The following TAF1L variants were observed in gnomAD, a reference collection of about 807,000 sequenced individuals.
The protein encoded by TAF1L is TATA-box binding protein associated factor 1 like, also known as transcription initiation factor TFIID subunit 1-like.
Under a neutral mutation model 128.8 loss-of-function variants are expected in TAF1L, and 30 were observed. The observed-to-expected ratio is 0.23, with a 90% CI of 0.17 to 0.32. The LOEUF is 0.32. TAF1L is among the 10% of genes least tolerant of loss of function. TAF1L has a pLI of 1.00. For missense variants in TAF1L, 2,099 were observed against 2,253.7 expected (o/e 0.93, Z 1.39); for synonymous variants, 764 against 790.7 (o/e 0.97, Z 0.57).
In TAF1L at chr9:32,629,647, T is replaced by C. The variant is rs10971046; in HGVS notation, c.*452A>G. The C allele has an allele frequency of 0.02, 4,507 of 223,372 alleles. 252 individuals are homozygous for C. The East Asian group carries it at 0.21, about 10-fold the overall frequency. The allele number at this position is 223,372 out of a possible 1,614,324, so 13.8% of individuals were successfully genotyped here. A position where few individuals can be genotyped will look rare whatever the true frequency, so the allele number is the denominator to read the frequency against. ...CCTGTAAATTAGAAAAGTGAGATGA[T>C]ACCATGCTTGGAAATTTTCTTTTTT... is the stretch of plus-strand genomic sequence containing the variant. On this transcript the variant is annotated 3_prime_UTR_variant, in exon 1 of 1. Coordinates refer to ENST00000242310, the MANE Select transcript of TAF1L (RefSeq NM_153809.2).
chr9:32,630,671 T>C lies in TAF1L; in HGVS notation c.4909A>G (p.Ile1637Val), dbSNP rs2119083343. Residue 1637 changes from isoleucine (I) to valine (V), a missense_variant, in exon 1 of 1, where the codon ATT (isoleucine) becomes GTT (valine). This residue lies in a region of TAF1L where 404 missense variants were observed against 406.5 expected (regional missense o/e 0.99). Transcript: ENST00000242310. ...AAAGCTGCTTCTTTAGCTGTACAAA[T>C]ATCCTTCTCAAGTTGAGTCAAATGC... ...DEHLTQLEKDICTAKEAALEE... is the reference protein window; with the variant it reads ...DEHLTQLEKDVCTAKEAALEE... 5.6e-6 allele frequency: 9 copies of C among 1,614,208 alleles called. No individual in the cohort carries two copies. Among genetic ancestry groups the C allele is most frequent in the Non-Finnish European group, 6.8e-6 (8 of 1,180,046 alleles).
rs780558731 is a variant in TAF1L at position 32,635,515 on chromosome 9, T to A, written c.65A>T (p.Asp22Val). Residue 22 changes from aspartate to valine, a missense_variant, in exon 1 of 1, where the codon GAC becomes GTC. Coordinates refer to ENST00000242310, the MANE Select transcript of TAF1L (RefSeq NM_153809.2). ...AATVTAAIMS[D>V]SDSEEDSSGG... The stretch of plus-strand genomic sequence containing the variant: ...AGATGAATCTTCCTCGCTGTCCGAG[T>A]CTGACATGATGGCGGCAGTGACGGT... 3 of 1,613,904 alleles carry A rather than the reference T, an allele frequency of 1.9e-6. No individual in the cohort carries two copies. The highest frequency in any genetic ancestry group is 2.2e-5 in the South Asian group (2 of 91,062).
Position 32,634,270 on chromosome 9 carries a change from C to T in TAF1L, c.1310G>A (p.Gly437Glu). 6 of 1,614,176 alleles carry T rather than the reference C, an allele frequency of 3.7e-6. No homozygotes were observed. The highest frequency in any genetic ancestry group is 4.2e-6 in the Non-Finnish European group (5 of 1,180,030). The change falls in exon 1 of 1, where the codon GGG becomes GAG. Residue 437 changes from glycine to glutamate, a missense_variant. Physicochemically the swap from Gly to Glu is moderately conservative, Grantham distance 98. Coordinates refer to ENST00000242310, the MANE Select transcript of TAF1L (RefSeq NM_153809.2). ...LHWEDSIIWDGEDIKHKGTKP... is the reference protein window; with the variant it reads ...LHWEDSIIWDEEDIKHKGTKP... ...TGTCCCTTTGTGTTTGATATCCTCC[C>T]CATCCCAGATGATAGAATCCTCCCA...
chr9:32,633,890 T>A lies in TAF1L; in HGVS notation c.1690A>T (p.Thr564Ser), dbSNP rs1447055934. ...LKKSRILLGK[T>S]GVIREEPQQN... Reference sequence around the variant, plus strand: ...TGTGGTTCCTCCCTGATGACACCTGTTTTGCCCAAGAGAATTCGACTCTTC... The same window carrying A: ...TGTGGTTCCTCCCTGATGACACCTGATTTGCCCAAGAGAATTCGACTCTTC... The change falls in exon 1 of 1, where the codon ACA (threonine) becomes TCA (serine). Residue 564 changes from threonine (T) to serine (S), a missense_variant. Thr to Ser is a moderately conservative substitution (Grantham distance 58, BLOSUM62 1). This residue lies in a region of TAF1L where 1,213 missense variants were observed against 1,391.4 expected (regional missense o/e 0.87). Transcript: ENST00000242310. 6.2e-7 allele frequency: 1 copy of A among 1,614,064 alleles called. No homozygotes were observed. Among genetic ancestry groups the A allele is most frequent in the Non-Finnish European group, 8.5e-7 (1 of 1,180,038 alleles).
Position 32,633,059 on chromosome 9 carries a change from G to A in TAF1L, c.2521C>T (p.Pro841Ser). ...ATATCTTCCATTCGTATCCTCCGTG[G>A]CCGATCTTTACTCTTCCAGAAAAGG... ...YRLFWKSKDR[P>S]RRIRMEDIKK... Residue 841 changes from proline (P) to serine (S), a missense_variant, in exon 1 of 1, where the codon CCA becomes TCA. By Grantham distance (74) the Pro-to-Ser change is moderately conservative. Around this residue, in one of 4 missense-constraint regions of TAF1L, gnomAD observed 1,213 missense variants for 1,391.4 expected, o/e 0.87. Transcript: ENST00000242310. 1 of 1,614,150 alleles carries A rather than the reference G, an allele frequency of 6.2e-7. No individual in the cohort carries two copies. The highest frequency in any genetic ancestry group is 1.7e-5 in the Admixed American group (1 of 59,994).
At position 32,634,652 on chromosome 9, in the gene TAF1L, A is replaced by G. The variant is rs1327816739; in HGVS notation, c.928T>C (p.Leu310=). ...SVESEVSQKS[L]WNYDYAPPPP... ...GGTGGAGCATAGTCATAGTTCCACA[A>G]AGACTTCTGGCTGACTTCTGATTCT... The change falls in exon 1 of 1, where the codon TTG becomes CTG. Residue 310 remains leucine (L), a synonymous_variant. Coordinates refer to ENST00000242310, the MANE Select transcript of TAF1L (RefSeq NM_153809.2). The G allele has an allele frequency of 4.3e-6, 7 of 1,613,884 alleles. No individual in the cohort carries two copies. In the African/African-American group the frequency reaches 8.0e-5, roughly 18 times the overall value.
chr9:32,630,768 A>G lies in TAF1L; in HGVS notation c.4812T>C (p.Pro1604=), dbSNP rs139732329. 3.1e-6 allele frequency: 5 copies of G among 1,614,108 alleles called. No individual in the cohort carries two copies. The South Asian group carries it at 5.5e-5, about 18-fold the overall frequency. ...GAGCAGTCTTAGTGTACTGACTCTC[A>G]GGTCCATTATACTTAACACTGTTGG... ...ILANSVKYNG[P]ESQYTKTAQE... Residue 1604 remains proline (P), a synonymous_variant, in exon 1 of 1, where the codon CCT becomes CCC. Transcript: ENST00000242310.
Position 32,631,388 on chromosome 9 carries a change from T to C in TAF1L, c.4192A>G (p.Thr1398Ala), listed in dbSNP as rs542280744. 1.9e-5 allele frequency: 30 copies of C among 1,614,178 alleles called. No homozygotes were observed. The African/African-American group carries it at 3.7e-4, about 20-fold the overall frequency. The change falls in exon 1 of 1, where the codon ACA becomes GCA. Residue 1398 changes from threonine to alanine, a missense_variant. Transcript: ENST00000242310. This position sits in a 1 kb window ranked among gnomAD's most constrained non-coding sequence, Gnocchi z 4.1. ...IPHKSIHRRR[T>A]DPMVTLSSIL... ...GATGACAGCGTCACCATAGGGTCTG[T>C]GCGGCGTCGGTGGATGGACTTATGA...
chr9:32,633,223 G>A lies in TAF1L; in HGVS notation c.2357C>T (p.Thr786Ile), dbSNP rs1358516778. The A allele has an allele frequency of 3.1e-6, 5 of 1,614,038 alleles. No individual in the cohort carries two copies. The African/African-American group carries it at 5.3e-5, about 17-fold the overall frequency. ...MPETDFLIIRTRQGYYIRELV... is the reference protein window; with the variant it reads ...MPETDFLIIRIRQGYYIRELV... ...TTCCCGAATATAGTAACCCTGTCTT[G>A]TCCGAATGATCAGAAAATCAGTTTC... The change falls in exon 1 of 1, where the codon ACA becomes ATA. Residue 786 changes from threonine to isoleucine, a missense_variant. Coordinates refer to ENST00000242310, the MANE Select transcript of TAF1L (RefSeq NM_153809.2).
chr9:32,634,819 C>G lies in TAF1L; in HGVS notation c.761G>C (p.Arg254Pro). ...PSVTELFPEF[R>P]PGKVLRFLHL... Reference sequence around the variant, plus strand: ...TAGGAAGCGTAACACTTTTCCAGGTCGAAATTCTGGAAAAAGTTCGGTGAC... The same window carrying G: ...TAGGAAGCGTAACACTTTTCCAGGTGGAAATTCTGGAAAAAGTTCGGTGAC... Residue 254 changes from arginine (R) to proline (P), a missense_variant, in exon 1 of 1, where the codon CGA becomes CCA. Arg to Pro is a moderately radical substitution (Grantham distance 103). This residue lies in a region of TAF1L where 473 missense variants were observed against 429.6 expected (regional missense o/e 1.10). Coordinates refer to ENST00000242310, the MANE Select transcript of TAF1L (RefSeq NM_153809.2). The G allele has an allele frequency of 6.2e-7, 1 of 1,614,114 alleles. No individual in the cohort carries two copies. Among genetic ancestry groups the G allele is most frequent in the Non-Finnish European group, 8.5e-7 (1 of 1,180,026 alleles).
rs1178800975 is a variant in TAF1L at position 32,631,860 on chromosome 9, C to T, written c.3720G>A (p.Arg1240=). The T allele has an allele frequency of 2.7e-5, 44 of 1,614,182 alleles. No homozygotes were observed. The highest frequency in any genetic ancestry group is 3.7e-5 in the Non-Finnish European group (44 of 1,180,034). Reference sequence around the variant, plus strand: ...GCTCTTGAATCCTCCGCCGTTCTTTCCGCATCTCTTCCCGATGTTTTTCAT... The same window carrying T: ...GCTCTTGAATCCTCCGCCGTTCTTTTCGCATCTCTTCCCGATGTTTTTCAT... ...LFDEKHREEM[R]KERRRIQEQL... The change falls in exon 1 of 1, where the codon CGG becomes CGA. Residue 1240 remains arginine, a synonymous_variant. Coordinates refer to ENST00000242310, the MANE Select transcript of TAF1L (RefSeq NM_153809.2). This position sits in a 1 kb window ranked among gnomAD's most constrained non-coding sequence, Gnocchi z 4.1.
At position 32,632,174 on chromosome 9, in the gene TAF1L, G is replaced by C; in HGVS notation, c.3406C>G (p.Leu1136Val). The stretch of plus-strand genomic sequence containing the variant: ...TCCTGCTCCTCCCATTCACGTGACA[G>C]CTGAGAGCTGGTTTTCTTGTTCTGC... ...MLQNKKTSSQ[L>V]SREWEEQERK... Residue 1136 changes from leucine (L) to valine (V), a missense_variant, in exon 1 of 1, where the codon CTG becomes GTG. Physicochemically the swap from Leu to Val is conservative, Grantham distance 32. Transcript: ENST00000242310. This position sits in a 1 kb window ranked among gnomAD's most constrained non-coding sequence, Gnocchi z 4.4. The C allele has an allele frequency of 6.2e-7, 1 of 1,614,168 alleles. No individual in the cohort carries two copies. Among genetic ancestry groups the C allele is most frequent in the Non-Finnish European group, 8.5e-7 (1 of 1,180,034 alleles).
chr9:32,629,956 G>A lies in TAF1L; in HGVS notation c.*143C>T. 2 of 1,498,856 alleles carry A rather than the reference G, an allele frequency of 1.3e-6. No individual in the cohort carries two copies. Among genetic ancestry groups the A allele is most frequent in the South Asian group, 1.3e-5 (1 of 74,802 alleles). The allele number at this position is 1,498,856 out of a possible 1,614,324, so 92.8% of individuals were successfully genotyped here. ...CAGGTGTGAGCCACCATGCCCAGCT[G>A]GAAATTTCCGATGCTGCTGAAGCTT... On this transcript the variant is annotated 3_prime_UTR_variant, in exon 1 of 1. Transcript: ENST00000242310.
rs1183499757 is a variant in TAF1L at position 32,632,908 on chromosome 9, G to A, written c.2672C>T (p.Thr891Met). 14 of 1,614,066 alleles carry A rather than the reference G, an allele frequency of 8.7e-6. No homozygotes were observed. In the Admixed American group the frequency reaches 1.7e-4, roughly 19 times the overall value. The part of the protein sequence containing the change: ...WVLKSDFRLP[T>M]EEEIRAKVSP... Reference sequence around the variant, plus strand: ...CACCTTAGCTCTGATCTCTTCTTCCGTTGGTAAACGAAAATCAGACTTAAG... The same window carrying A: ...CACCTTAGCTCTGATCTCTTCTTCCATTGGTAAACGAAAATCAGACTTAAG... The change falls in exon 1 of 1, where the codon ACG (threonine) becomes ATG (methionine). Residue 891 changes from threonine to methionine, a missense_variant. Physicochemically the swap from Thr to Met is moderately conservative, Grantham distance 81. Around this residue, in one of 4 missense-constraint regions of TAF1L, gnomAD observed 1,213 missense variants for 1,391.4 expected, o/e 0.87. Transcript: ENST00000242310. The surrounding 1 kb of genome is among the most constrained non-coding windows in gnomAD (Gnocchi z 4.4).
rs1181437162 is a variant in TAF1L at position 32,631,789 on chromosome 9, C to T, written c.3791G>A (p.Gly1264Asp). The T allele has an allele frequency of 1.2e-6, 2 of 1,614,188 alleles. No homozygotes were observed. Among genetic ancestry groups the T allele is most frequent in the South Asian group, 2.2e-5 (2 of 91,080 alleles). Reference sequence around the variant, plus strand: ...TTTCTTGGGCTTCTTCTCAGGAGGACCCTTAAGCTTCTCCTTTTCCTGGTT... The same window carrying T: ...TTTCTTGGGCTTCTTCTCAGGAGGATCCTTAAGCTTCTCCTTTTCCTGGTT... ...KRNQEKEKLKGPPEKKPKKMK... is the reference protein window; with the variant it reads ...KRNQEKEKLKDPPEKKPKKMK... The change falls in exon 1 of 1, where the codon GGT (glycine) becomes GAT (aspartate). Residue 1264 changes from glycine (G) to aspartate (D), a missense_variant. Transcript: ENST00000242310. This position sits in a 1 kb window ranked among gnomAD's most constrained non-coding sequence, Gnocchi z 4.1.
rs778465710 is a variant in TAF1L at position 32,635,429 on chromosome 9, G to C, written c.151C>G (p.Leu51Val). 6.2e-7 allele frequency: 1 copy of C among 1,614,106 alleles called. No homozygotes were observed. Among genetic ancestry groups the C allele is most frequent in the Non-Finnish European group, 8.5e-7 (1 of 1,180,014 alleles). The change falls in exon 1 of 1, where the codon CTG (leucine) becomes GTG (valine). Residue 51 changes from leucine (L) to valine (V), a missense_variant. Leu to Val is a conservative substitution (Grantham distance 32, BLOSUM62 1). Around this residue, in one of 4 missense-constraint regions of TAF1L, gnomAD observed 473 missense variants for 429.6 expected, o/e 1.10. Coordinates refer to ENST00000242310, the MANE Select transcript of TAF1L (RefSeq NM_153809.2). The stretch of plus-strand genomic sequence containing the variant: ...TCATCCAAGACGCTTTCCCCCTCCA[G>C]CTGCCCCGCTCCACTGATGTTGCCG... ...LFGNISGAGQLEGESVLDDEC... is the reference protein window; with the variant it reads ...LFGNISGAGQVEGESVLDDEC...
chr9:32,635,556 C>G lies in TAF1L; in HGVS notation c.24G>C (p.Leu8=), dbSNP rs1822574040. The G allele has an allele frequency of 3.1e-6, 5 of 1,613,548 alleles. No individual in the cohort carries two copies. The highest frequency in any genetic ancestry group is 4.2e-6 in the Non-Finnish European group (5 of 1,179,844). ...CAGTGACGGTAGCTGCTGCCCTCAG[C>G]AGCAAATCGCAGCCGGGTCGCATAA... MRPGCDL[L]LRAAATVTAA... Residue 8 remains leucine (L), a synonymous_variant, in exon 1 of 1, where the codon CTG becomes CTC. Coordinates refer to ENST00000242310, the MANE Select transcript of TAF1L (RefSeq NM_153809.2).
chr9:32,629,843 G>C lies in TAF1L; in HGVS notation c.*256C>G. ...CTGGCTAATTTTTGTATTTTTAGTA[G>C]AGATGAAGTTTCGACATGTTGGCCA... is the stretch of plus-strand genomic sequence containing the variant. On this transcript the variant is annotated 3_prime_UTR_variant, in exon 1 of 1. Coordinates refer to ENST00000242310, the MANE Select transcript of TAF1L (RefSeq NM_153809.2). 1.6e-6 allele frequency: 1 copy of C among 639,350 alleles called. No homozygotes were observed. The highest frequency in any genetic ancestry group is 2.7e-6 in the Non-Finnish European group (1 of 372,106). The allele number at this position is 639,350 out of a possible 1,614,324, so 39.6% of individuals were successfully genotyped here.
In TAF1L at chr9:32,631,293, A is replaced by G. The variant is rs1345817776; in HGVS notation, c.4287T>C (p.Asn1429=). ...PNTHPFHTPV[N]AKVVKDYYKI... ...TGTAGTAGTCCTTTACAACCTTTGC[A>G]TTGACTGGAGTGTGGAAAGGGTGTG... Residue 1429 remains asparagine (N), a synonymous_variant, in exon 1 of 1, where the codon AAT becomes AAC. Transcript: ENST00000242310. The surrounding 1 kb of genome is among the most constrained non-coding windows in gnomAD (Gnocchi z 4.1). 6.2e-7 allele frequency: 1 copy of G among 1,614,120 alleles called. No homozygotes were observed. Among genetic ancestry groups the G allele is most frequent in the East Asian group, 2.2e-5 (1 of 44,872 alleles).
Sources: allele counts gnomAD v4.1 joint callset, GRCh38; gene constraint gnomAD v4.1.1; regional missense constraint gnomAD v4.1.1; non-coding constraint Gnocchi (gnomAD v3.1); transcripts MANE v1.5; gene names NCBI Gene and HGNC (gene_info 2026-07-23, HGNC 2026-07-21).